The following ADK variants were observed in gnomAD, a reference collection of about 807,000 sequenced individuals.
ADK encodes the protein N6,N6-dimethyladenosine kinase.
In ADK, 24 loss-of-function variants were observed where a neutral mutation model predicts 44.7. That is an observed-to-expected ratio of 0.54 (90% CI 0.39 to 0.76). The LOEUF (loss-of-function observed/expected upper bound fraction) is 0.76. Ranked by LOEUF, ADK falls within the 30% of genes least tolerant of loss-of-function variation. ADK has a pLI of 0.00. For missense variants in ADK, 321 were observed against 425.1 expected, an observed-to-expected ratio of 0.76 and a Z score of 2.15; for synonymous variants, 128 against 142.6, an observed-to-expected ratio of 0.90 and a Z score of 0.73.
In ADK at chr10:74,530,449, A is replaced by G. The variant is rs142748865; in HGVS notation, c.726+5023A>G. ...CACCTTCCTCTTGTCAGAGGATTGT[A>G]CAGTAGTAATGATGATTTAAAACTT... On this transcript the variant is annotated intron_variant, in intron 7 of 10. Coordinates refer to ENST00000539909, the MANE Select transcript of ADK (RefSeq NM_006721.4). 760 of 152,296 alleles carry G rather than the reference A, an allele frequency of 5.0e-3. 9 individuals are homozygous for G. Among genetic ancestry groups the G allele is most frequent in the African/African-American group, 0.017 (709 of 41,566 alleles). The allele number at this position is 152,296 out of a possible 1,614,324, so 9.4% of individuals were successfully genotyped here.
At chr10:74,385,203 G>C (rs1001765105) in intron 4 of ADK, among the ~76,000 whole-genome samples, 12 of 152,166 alleles carry the variant, frequency 7.9e-5, no homozygotes, top group African/African-American at 2.4e-4. Flanking sequence ...TTTTTTAAAA[G>C]AGACTTTTAT....
intron 2 of ADK, among the ~76,000 whole-genome samples, chr10:74,215,287 T>A (rs1843968979): frequency 2.6e-5 from 4 of 152,234 alleles, no homozygotes; most frequent in African/African-American, 9.6e-5. Context: ...TGCATCATTC[T>A]ATGAAAGCCA....
At chr10:74,230,972 G>A (rs1350397349) in intron 3 of ADK, among the ~76,000 whole-genome samples, 1 of 152,042 alleles carries the variant, frequency 6.6e-6, no homozygotes, top group Non-Finnish European at 1.5e-5. Context: ...GTGAGCCACC[G>A]CGCCTGGCCG....
In ADK at chr10:74,492,791, C is replaced by T. The variant is rs899240684; in HGVS notation, c.556-32465C>T. 2.2e-4 allele frequency among the ~76,000 whole-genome samples: 34 copies of T among 152,106 alleles called. 1 individual carries two copies. The highest frequency in any genetic ancestry group is 6.8e-3 in the Middle Eastern group (2 of 294). On this transcript the variant is annotated intron_variant, in intron 6 of 10. Coordinates refer to ENST00000539909, the MANE Select transcript of ADK (RefSeq NM_006721.4). ...TGGATATGACCTATCCTTCATGTAC[C>T]ATATTAGGAGGTACATGATACCTGT... is the stretch of plus-strand genomic sequence containing the variant.
At chr10:74,247,224 G>GTTTTTTTTTT (rs142274121) in intron 3 of ADK, among the ~76,000 whole-genome samples, 28 of 72,008 alleles carry the variant, frequency 3.9e-4, no homozygotes, top group African/African-American at 4.3e-4. Context: ...TTTTTTTTAA[G>GTTTTTTTTTT]TTTTTTTTTT....
At chr10:74,649,946 A>G (rs1476561183) in intron 9 of ADK, among the ~76,000 whole-genome samples, 1 of 152,218 alleles carries the variant, frequency 6.6e-6, no homozygotes, top group East Asian at 1.9e-4. Context: ...TGTGAGGAGT[A>G]GAAGACCCCT....
At chr10:74,498,419 G>A (rs564468545) in intron 6 of ADK, among the ~76,000 whole-genome samples, 1 of 152,170 alleles carries the variant, frequency 6.6e-6, no homozygotes, top group African/African-American at 2.4e-5. Flanking sequence ...AAAACCATAA[G>A]CTGTCTACTA....
chr10:74,460,865 A>G (rs1470129009), intron 6 of ADK, among the ~76,000 whole-genome samples: 1 of 152,202 alleles, frequency 6.6e-6, no homozygotes, highest in Non-Finnish European at 1.5e-5. Flanking sequence ...TAAAGCTATA[A>G]TGATTAGTCC....
chr10:74,458,307 T>TTG (rs1846036071), intron 6 of ADK, among the ~76,000 whole-genome samples: 1 of 147,956 alleles, frequency 6.8e-6, no homozygotes, highest in Admixed American at 6.7e-5. Flanking sequence ...TTGTTTTTTT[T>TTG]TTTTTTTTTT....
At chr10:74,696,359 T>C (rs1856204337) in intron 10 of ADK, among the ~76,000 whole-genome samples, 2 of 151,288 alleles carry the variant, frequency 1.3e-5, no homozygotes. Flanking sequence ...TATTTATTTA[T>C]TTTTGTTTTT....
At chr10:74,340,850 CCATTTGCAAAGTA>C (rs1364018549) in intron 4 of ADK, among the ~76,000 whole-genome samples, 1 of 151,786 alleles carries the variant, frequency 6.6e-6, no homozygotes, top group Non-Finnish European at 1.5e-5. Flanking sequence ...AATTTATTGC[CCATTTGCAAAGTA>C]CATTTATATC....
chr10:74,229,065 AT>A (rs1360462842), intron 3 of ADK, among the ~76,000 whole-genome samples: 52 of 152,306 alleles, frequency 3.4e-4, no homozygotes, highest in African/African-American at 1.2e-3. Flanking sequence ...TTCCATTATG[AT>A]TTTTTAATGT....
chr10:74,412,125 A>G (rs888046315), intron 6 of ADK, among the ~76,000 whole-genome samples: 15 of 152,128 alleles, frequency 9.9e-5, no homozygotes, highest in African/African-American at 3.6e-4. Flanking sequence ...GAGGGTTGGA[A>G]TCCACTTATT....
chr10:74,192,874 C>T (rs1242844110), intron 1 of ADK, among the ~76,000 whole-genome samples: 1 of 152,174 alleles, frequency 6.6e-6, no homozygotes, highest in East Asian at 1.9e-4. Flanking sequence ...ACAGATTTCT[C>T]TGTGTACTTA....
At chr10:74,407,602 G>A (rs936127749) in intron 6 of ADK, among the ~76,000 whole-genome samples, 3 of 151,822 alleles carry the variant, frequency 2.0e-5, no homozygotes, top group South Asian at 2.1e-4. Flanking sequence ...TGCATATCTC[G>A]AGTTCTCACT....
At chr10:74,510,639 A>G (rs569177843) in intron 6 of ADK, among the ~76,000 whole-genome samples, 1 of 152,232 alleles carries the variant, frequency 6.6e-6, no homozygotes, top group African/African-American at 2.4e-5. Flanking sequence ...ATTTTTCCAG[A>G]TCAATGTCCT....
At chr10:74,476,382 C>T (rs1846841898) in intron 6 of ADK, among the ~76,000 whole-genome samples, 1 of 151,768 alleles carries the variant, frequency 6.6e-6, no homozygotes, top group Admixed American at 6.6e-5. Context: ...ATCCCAGCTA[C>T]TCGGGAGGCT....
At position 74,496,078 on chromosome 10, in the gene ADK, G is replaced by A. The variant is rs182295880; in HGVS notation, c.556-29178G>A. Among the ~76,000 whole-genome samples, 48 of 152,266 alleles carry A rather than the reference G, an allele frequency of 3.2e-4. No individual in the cohort carries two copies. In the East Asian group the frequency reaches 9.1e-3, roughly 29 times the overall value. On this transcript the variant is annotated intron_variant, in intron 6 of 10. Transcript: ENST00000539909. ...ATTGTCTTGAGATGATTTTTGATAG[G>A]AGAATGTGCAGAAATGTTTATATTT...
intron 4 of ADK, among the ~76,000 whole-genome samples, chr10:74,337,385 G>A (rs367749327): frequency 9.9e-4 from 151 of 152,300 alleles, no homozygotes; most frequent in African/African-American, 3.4e-3. Flanking sequence ...GCCTGGTGCT[G>A]TGGTGGGCAG....
Sources: gnomAD v4.1 joint callset for allele counts (sites outside exome capture counted in the v4.1 genomes callset) on GRCh38, gnomAD v4.1.1 for gene constraint, MANE v1.5 for transcripts, NCBI Gene and HGNC (gene_info 2026-07-23, HGNC 2026-07-21) for gene names.